RAB3GAP1: variants seen among roughly 807,000 people sequenced by gnomAD.
RAB3GAP1 encodes rab3 GTPase-activating protein catalytic subunit.
Under a neutral mutation model 130.7 loss-of-function variants are expected in RAB3GAP1, and 86 were observed. The observed-to-expected ratio is 0.66, with a 90% CI of 0.55 to 0.79. RAB3GAP1 has a LOEUF of 0.79. RAB3GAP1 is among the 30% of genes least tolerant of loss of function. The probability of loss-of-function intolerance (pLI) is 0.00; values close to 1 mark genes in which losing one functional copy is unlikely to be tolerated. For missense variants in RAB3GAP1, 1,029 were observed against 1,169.4 expected (o/e 0.88, Z 1.75); for synonymous variants, 367 against 401.7 (o/e 0.91, Z 1.03).
At chr2:135,163,462 A>G (rs896578474) in intron 22 of RAB3GAP1, among the ~76,000 whole-genome samples, 14 of 152,234 alleles carry the variant, frequency 9.2e-5, no homozygotes, top group African/African-American at 3.4e-4. Flanking sequence ...CCTTGACCAC[A>G]GGGTGCAGGT....
chr2:135,113,536 G>C (rs1217200497), intron 6 of RAB3GAP1, among the ~76,000 whole-genome samples: 1 of 152,142 alleles, frequency 6.6e-6, no homozygotes, highest in Non-Finnish European at 1.5e-5. Flanking sequence ...AGTCACAGCA[G>C]CTGAGGTTCA....
intron 5 of RAB3GAP1, among the ~76,000 whole-genome samples, chr2:135,105,804 C>G (rs565486991): frequency 6.6e-6 from 1 of 151,592 alleles, no homozygotes; most frequent in Non-Finnish European, 1.5e-5. Flanking sequence ...TCTGCCTGGC[C>G]GCCCATCGTC....
At chr2:135,107,351 A>G (rs1233313625) in intron 5 of RAB3GAP1, among the ~76,000 whole-genome samples, 3 of 151,856 alleles carry the variant, frequency 2.0e-5, no homozygotes, top group Non-Finnish European at 2.9e-5. Flanking sequence ...TGCTTAAGCA[A>G]TAATGACAGC....
At position 135,153,895 on chromosome 2, in the gene RAB3GAP1, T is replaced by C. The variant is rs1692241990; in HGVS notation, c.2289+19T>C. ...AGAAAAGGTAATTGAGGTTTGAGTC[T>C]CTAATACTAGAATGCAAATTACTGT... is the stretch of plus-strand genomic sequence containing the variant. On this transcript the variant is annotated intron_variant, in intron 19 of 23. Coordinates refer to ENST00000264158, the MANE Select transcript of RAB3GAP1 (RefSeq NM_012233.3). 1 of 1,600,566 alleles carries C rather than the reference T, an allele frequency of 6.2e-7. No homozygotes were observed. The highest frequency in any genetic ancestry group is 1.7e-5 in the Admixed American group (1 of 59,924).
rs572507357 is a variant in RAB3GAP1, at chr2:135,126,888, T to C, written c.973+232T>C. On this transcript the variant is annotated intron_variant, in intron 11 of 23. Coordinates refer to ENST00000264158, the MANE Select transcript of RAB3GAP1 (RefSeq NM_012233.3). ...ATGCTTTTATTTACTTTTTTTTATTTATTTTTTATTTTTTGAGACGGAGTC... is the reference window on the plus strand; with the variant it reads ...ATGCTTTTATTTACTTTTTTTTATTCATTTTTTATTTTTTGAGACGGAGTC... 1.5e-4 allele frequency among the ~76,000 whole-genome samples: 23 copies of C among 152,324 alleles called. No homozygotes were observed. The South Asian group carries it at 4.6e-3, about 30-fold the overall frequency.
chr2:135,053,868 A>G lies in RAB3GAP1; in HGVS notation c.74+1383A>G, dbSNP rs376264212. Among the ~76,000 whole-genome samples, 9 of 152,304 alleles carry G rather than the reference A, an allele frequency of 5.9e-5. No homozygotes were observed. In the East Asian group the frequency reaches 1.3e-3, roughly 23 times the overall value. ...AATAGGGGTGATATTGTGGACTACA[A>G]TAGTTGGAGATATTTTCATAGAAAA... On this transcript the variant is annotated intron_variant, in intron 2 of 23. Transcript: ENST00000264158.
At position 135,153,631 on chromosome 2, in the gene RAB3GAP1, T is replaced by G. The variant is rs745891698; in HGVS notation, c.2062-18T>G. On this transcript the variant is annotated intron_variant, in intron 18 of 23. Coordinates refer to ENST00000264158, the MANE Select transcript of RAB3GAP1 (RefSeq NM_012233.3). ...TGATTTTCATTTGATTCTGCTGAATTTTTTTGTCTTATTTTAGGCAGCTAA... is the reference window on the plus strand; with the variant it reads ...TGATTTTCATTTGATTCTGCTGAATGTTTTTGTCTTATTTTAGGCAGCTAA... 1 of 1,610,792 alleles carries G rather than the reference T, an allele frequency of 6.2e-7. No homozygotes were observed. The highest frequency in any genetic ancestry group is 1.1e-5 in the South Asian group (1 of 91,010).
chr2:135,134,606 A>G (rs1418841175), intron 15 of RAB3GAP1, among the ~76,000 whole-genome samples: 7 of 152,228 alleles, frequency 4.6e-5, no homozygotes, highest in Non-Finnish European at 1.0e-4. Flanking sequence ...TCATCTACCC[A>G]TGCTATGATA....
At chr2:135,146,833 T>A (rs1485664397) in intron 17 of RAB3GAP1, among the ~76,000 whole-genome samples, 1 of 152,012 alleles carries the variant, frequency 6.6e-6, no homozygotes, top group East Asian at 1.9e-4. Flanking sequence ...GGTTTAGTCG[T>A]ATTCCCTTGC....
intron 3 of RAB3GAP1, among the ~76,000 whole-genome samples, chr2:135,063,458 C>G (rs1390302965): frequency 6.6e-6 from 1 of 152,066 alleles, no homozygotes; most frequent in Non-Finnish European, 1.5e-5. Flanking sequence ...TGAAACTACC[C>G]ATTAAACAAG....
At chr2:135,164,547 T>G (rs1692573432) in intron 22 of RAB3GAP1, 47 bp from the exon 23 acceptor site, 2 of 1,467,348 alleles carry the variant, frequency 1.4e-6, no homozygotes, top group Non-Finnish European at 1.9e-6. Context: ...CCCAGTGGCC[T>G]GGACAGCTCA....
At chr2:135,057,091 A>T (rs927081647) in intron 2 of RAB3GAP1, among the ~76,000 whole-genome samples, 6 of 152,152 alleles carry the variant, frequency 3.9e-5, no homozygotes, top group Non-Finnish European at 1.5e-5. Flanking sequence ...TCATTTACTG[A>T]TGTTGAGCAT....
chr2:135,156,976 G>A (rs138263362), intron 19 of RAB3GAP1, among the ~76,000 whole-genome samples: 17 of 152,194 alleles, frequency 1.1e-4, no homozygotes, highest in African/African-American at 3.9e-4. Context: ...CCATTTAGAA[G>A]ATCTAAATAT....
At chr2:135,164,175 G>A (rs759970870) in intron 22 of RAB3GAP1, among the ~76,000 whole-genome samples, 9 of 151,960 alleles carry the variant, frequency 5.9e-5, no homozygotes, top group African/African-American at 1.5e-4. Flanking sequence ...GCACGTGTGC[G>A]TGCACACACA....
Position 135,168,645 on chromosome 2 carries a change from G to A in RAB3GAP1, c.2810G>A (p.Arg937Gln), listed in dbSNP as rs762181144. ...SVSDFPPPAG[R>Q]EFILRTTVPR... is the part of the protein sequence containing the mutation. ...TCAGACTTCCCACCCCCTGCTGGCC[G>A]GGAATTCATTTTGCGCACCACTGTG... Residue 937 changes from arginine to glutamine, a missense_variant, in exon 24 of 24, where the codon CGG becomes CAG. Arg to Gln is a conservative substitution (Grantham distance 43). Coordinates refer to ENST00000264158, the MANE Select transcript of RAB3GAP1 (RefSeq NM_012233.3). 27 of 1,614,082 alleles carry A rather than the reference G, an allele frequency of 1.7e-5. No individual in the cohort carries two copies. The highest frequency in any genetic ancestry group is 2.3e-5 in the Non-Finnish European group (27 of 1,180,056).
chr2:135,135,057 T>C (rs1175366949), intron 15 of RAB3GAP1, among the ~76,000 whole-genome samples: 1 of 152,192 alleles, frequency 6.6e-6, no homozygotes, highest in Non-Finnish European at 1.5e-5. Flanking sequence ...ATATTTGCTA[T>C]TGGTGATTTG....
intron 18 of RAB3GAP1, among the ~76,000 whole-genome samples, chr2:135,151,869 G>A (rs537070973): frequency 1.3e-5 from 2 of 152,342 alleles, no homozygotes; most frequent in African/African-American, 4.8e-5. Context: ...ATGCACGGGA[G>A]GACATTCCAA....
intron 3 of RAB3GAP1, among the ~76,000 whole-genome samples, chr2:135,074,807 A>G (rs1689575864): frequency 6.6e-6 from 1 of 152,224 alleles, no homozygotes; most frequent in South Asian, 2.1e-4. Flanking sequence ...AAAAAGCACG[A>G]AGATACGATA....
At chr2:135,138,843 C>T (rs1163811069) in intron 17 of RAB3GAP1, among the ~76,000 whole-genome samples, 3 of 152,116 alleles carry the variant, frequency 2.0e-5, no homozygotes, top group Middle Eastern at 3.2e-3. Context: ...TCCTAAACTC[C>T]TGACCTCAAG....
Sources: gnomAD v4.1 joint callset for allele counts (sites outside exome capture counted in the v4.1 genomes callset) on GRCh38, gnomAD v4.1.1 for gene constraint, MANE v1.5 for transcripts, NCBI Gene and HGNC (gene_info 2026-07-23, HGNC 2026-07-21) for gene names.